ACACB: variants seen among roughly 807,000 people sequenced by gnomAD.
ACACB encodes acetyl-CoA carboxylase 2.
In ACACB, 209 loss-of-function variants were observed where a neutral mutation model predicts 278.8. The ratio of observed to expected loss-of-function variants is 0.75; its 90% CI spans 0.67 to 0.84. The LOEUF is 0.84. Ranked by LOEUF, ACACB falls within the 40% of genes least tolerant of loss-of-function variation. The pLI, the probability that ACACB is intolerant of heterozygous loss-of-function variation, is 0.00. For missense variants in ACACB, 2,850 were observed against 3,269.0 expected (o/e 0.87, Z 3.13); for synonymous variants, 1,174 against 1,285.6 (o/e 0.91, Z 1.86).
intron 2 of ACACB, among the ~76,000 whole-genome samples, chr12:109,145,137 A>G (rs561882876): frequency 6.6e-6 from 1 of 151,230 alleles, no homozygotes; most frequent in Non-Finnish European, 1.5e-5. Context: ...GCTCAGGTAC[A>G]CTGGACCCCT....
intron 16 of ACACB, among the ~76,000 whole-genome samples, chr12:109,194,189 T>TGTTG (rs975944786): frequency 1.9e-4 from 29 of 150,484 alleles, no homozygotes; most frequent in East Asian, 4.0e-4. Flanking sequence ...GTTTTTTTTT[T>TGTTG]TTGTTGTTGT....
chr12:109,148,749 G>A (rs1180599400), intron 2 of ACACB, among the ~76,000 whole-genome samples: 1 of 152,102 alleles, frequency 6.6e-6, no homozygotes, highest in Non-Finnish European at 1.5e-5. Flanking sequence ...CTGGCATATA[G>A]TAAGCACAAA....
intron 12 of ACACB, among the ~76,000 whole-genome samples, chr12:109,186,424 A>G (rs967402362): frequency 2.0e-5 from 3 of 152,120 alleles, no homozygotes; most frequent in South Asian, 2.1e-4. Flanking sequence ...AGCCATGCCT[A>G]TCTTTGGGAC....
rs12013 is a variant in ACACB, at chr12:109,267,806, A to G, written c.*1444A>G. ...TTCTTCCATTGGGGCGGAGTCGGGGATGGAGGGAGCTGGCCACAACCCACT... is the reference window on the plus strand; with the variant it reads ...TTCTTCCATTGGGGCGGAGTCGGGGGTGGAGGGAGCTGGCCACAACCCACT... On this transcript the variant is annotated 3_prime_UTR_variant, in exon 53 of 53. Coordinates refer to ENST00000338432, the MANE Select transcript of ACACB (RefSeq NM_001093.4). 125,577 of 152,670 alleles carry G rather than the reference A, an allele frequency of 0.82. 51,770 individuals are homozygous for G. Among genetic ancestry groups the G allele is most frequent in the Admixed American group, 0.86 (13,146 of 15,304 alleles). The allele number at this position is 152,670 out of a possible 1,614,324, so 9.5% of individuals were successfully genotyped here. A position where few individuals can be genotyped will look rare whatever the true frequency, so the allele number is the denominator to read the frequency against.
chr12:109,119,809 C>T (rs1264340409), intron 1 of ACACB, among the ~76,000 whole-genome samples: 2 of 151,980 alleles, frequency 1.3e-5, no homozygotes, highest in African/African-American at 2.4e-5. Context: ...GCAGGAGAAT[C>T]GCTTGAAACT....
chr12:109,239,115 C>T (rs1419674775), intron 34 of ACACB, among the ~76,000 whole-genome samples: 1 of 151,006 alleles, frequency 6.6e-6, no homozygotes, highest in Non-Finnish European at 1.5e-5. Flanking sequence ...CGGAGTTTCA[C>T]CATGTTGGCC....
chr12:109,201,563 A>G lies in ACACB; in HGVS notation c.2779-4A>G. ...CTGTACTATTTCTTCTTTTTACGAA[A>G]TAGGTGATGAAGATGATCATGACCC... On this transcript the variant is annotated splice_region_variant and splice_polypyrimidine_tract_variant and intron_variant, in intron 18 of 52. Coordinates refer to ENST00000338432, the MANE Select transcript of ACACB (RefSeq NM_001093.4). The G allele has an allele frequency of 6.2e-7, 1 of 1,613,960 alleles. No homozygotes were observed. Among genetic ancestry groups the G allele is most frequent in the Admixed American group, 1.7e-5 (1 of 59,992 alleles).
At chr12:109,185,766 C>T in intron 12 of ACACB, 26 bp downstream of exon 12, 1 of 1,590,408 alleles carries the variant, frequency 6.3e-7, no homozygotes, top group East Asian at 2.3e-5. Flanking sequence ...CCCTGTGTTT[C>T]CACCATCTCA....
intron 2 of ACACB, among the ~76,000 whole-genome samples, chr12:109,156,529 TA>T (rs924453779): frequency 4.7e-5 from 7 of 149,328 alleles, no homozygotes; most frequent in African/African-American, 1.5e-4. Context: ...CCCTGTCTCT[TA>T]AAAAAAAAGT....
rs3742025 is a variant in ACACB at position 109,250,006 on chromosome 12, G to A, written c.5692G>A (p.Gly1898Arg). 2.0e-5 allele frequency: 33 copies of A among 1,613,044 alleles called. No homozygotes were observed. The East Asian group carries it at 5.4e-4, about 26-fold the overall frequency. The change falls in exon 41 of 53, where the codon GGG becomes AGG. Residue 1898 changes from glycine (G) to arginine (R), a missense_variant. Transcript: ENST00000338432. ...AAGATACATGATCACGGATATCATC[G>A]GGAAGGATGATGGCTTGGGCGTGGA... Reference protein sequence around the residue: ...ESRYMITDIIGKDDGLGVENL... With the variant: ...ESRYMITDIIRKDDGLGVENL...
chr12:109,263,365 CAG>C (rs2047433406), intron 49 of ACACB: 1 of 151,930 alleles, frequency 6.6e-6, no homozygotes, highest in Admixed American at 6.6e-5. Context: ...TTAGTAGAGA[CAG>C]GGTTTCACCA....
chr12:109,266,081 C>T (rs547549587), intron 52 of ACACB, among the ~76,000 whole-genome samples, 155 bp from the exon 53 acceptor site: 2 of 152,210 alleles, frequency 1.3e-5, no homozygotes, highest in African/African-American at 2.4e-5. Context: ...CACAGCCCCT[C>T]CTGCTGCACA....
chr12:109,199,304 C>T (rs2045249754), intron 17 of ACACB, 98 bp from the exon 18 acceptor site: 3 of 1,097,338 alleles, frequency 2.7e-6, no homozygotes, highest in Non-Finnish European at 2.4e-6. Context: ...GGGTACACTC[C>T]CCCTTTAGGA....
chr12:109,214,520 A>C (rs920807871), intron 22 of ACACB, among the ~76,000 whole-genome samples: 1 of 152,230 alleles, frequency 6.6e-6, no homozygotes, highest in Non-Finnish European at 1.5e-5. Flanking sequence ...CCATCCTTTA[A>C]GCTTCAGAGA....
intron 45 of ACACB, among the ~76,000 whole-genome samples, chr12:109,257,745 A>AT (rs1469621174): frequency 1.3e-5 from 2 of 151,806 alleles, no homozygotes; most frequent in Non-Finnish European, 2.9e-5. Context: ...CAGTTTTTTT[A>AT]TTTTTTGCAG....
chr12:109,245,648 C>A lies in ACACB; in HGVS notation c.5201C>A (p.Ser1734Tyr). Residue 1734 changes from serine (S) to tyrosine (Y), a missense_variant, in exon 38 of 53, where the codon TCC becomes TAC. Ser to Tyr is a moderately radical substitution (Grantham distance 144, BLOSUM62 -2). Transcript: ENST00000338432. ...FRQALFKLWG[S>Y]PDKYPKDILT... ...CAGGCTCTCTTTAAACTGTGGGGCT[C>A]CCCAGACAAGTATCCCAAAGACATC... 1 of 1,614,050 alleles carries A rather than the reference C, an allele frequency of 6.2e-7. No homozygotes were observed. Among genetic ancestry groups the A allele is most frequent in the Non-Finnish European group, 8.5e-7 (1 of 1,179,994 alleles).
chr12:109,235,229 T>A, intron 31 of ACACB, 84 bp from the exon 32 acceptor site: 1 of 1,130,018 alleles, frequency 8.8e-7, no homozygotes. Flanking sequence ...GTTTACAGGT[T>A]CATCCGTGTG....
intron 46 of ACACB, 151 bp downstream of exon 46, chr12:109,258,515 G>C: frequency 1.6e-6 from 1 of 616,292 alleles, no homozygotes; most frequent in Non-Finnish European, 2.8e-6. Context: ...CTCAGTGCCT[G>C]TTTCTCTGAC....
intron 17 of ACACB, among the ~76,000 whole-genome samples, chr12:109,197,978 T>G (rs1315752421): frequency 6.6e-6 from 1 of 152,114 alleles, no homozygotes; most frequent in South Asian, 2.1e-4. Flanking sequence ...CACTGCAGCC[T>G]CAACTTCCCT....
Sources: allele counts gnomAD v4.1 joint callset (sites outside exome capture counted in the v4.1 genomes callset), GRCh38; gene constraint gnomAD v4.1.1; transcripts MANE v1.5; gene names NCBI Gene and HGNC (gene_info 2026-07-23, HGNC 2026-07-21).